Variants in NKAIN3 observed in about 807,000 individuals in gnomAD.
The protein encoded by NKAIN3 is sodium/potassium-transporting ATPase subunit beta-1-interacting protein 3.
In NKAIN3, 25 loss-of-function variants were observed where a neutral mutation model predicts 30.2. The ratio of observed to expected loss-of-function variants is 0.83; its 90% CI spans 0.60 to 1.16. The LOEUF (loss-of-function observed/expected upper bound fraction) is 1.16, where lower values mean the gene tolerates loss of function less well. Ranked by LOEUF, NKAIN3 falls within the 50% of genes most tolerant of loss-of-function variation. The pLI is 0.00. For missense variants in NKAIN3, 225 were observed against 254.1 expected (o/e 0.89, Z 0.78); for synonymous variants, 91 against 89.6 (o/e 1.02, Z -0.09).
chr8:62,481,168 C>T (rs1806706739), intron 1 of NKAIN3, among the ~76,000 whole-genome samples: 1 of 152,192 alleles, frequency 6.6e-6, no homozygotes, highest in Non-Finnish European at 1.5e-5. Context: ...TTAATTTCCT[C>T]TAACCTGGAG....
chr8:62,535,545 C>T (rs1808632030), intron 1 of NKAIN3, among the ~76,000 whole-genome samples: 1 of 152,162 alleles, frequency 6.6e-6, no homozygotes, highest in South Asian at 2.1e-4. Context: ...TTTCTTTAGG[C>T]TCATCAATTT....
At chr8:62,593,078 C>T (rs1810708331) in intron 3 of NKAIN3, among the ~76,000 whole-genome samples, 1 of 151,808 alleles carries the variant, frequency 6.6e-6, no homozygotes, top group African/African-American at 2.4e-5. Flanking sequence ...ATTTGAACAA[C>T]ACAAAGTCAA....
rs891374154 is a variant in NKAIN3 at position 62,405,580 on chromosome 8, C to A, written c.54+156453C>A. Among the ~76,000 whole-genome samples the A allele has an allele frequency of 3.3e-5, 5 of 152,208 alleles. No homozygotes were observed. The South Asian group carries it at 6.2e-4, about 19-fold the overall frequency. The stretch of plus-strand genomic sequence containing the variant: ...AATTCAGAGTCCCATAATCACTGCT[C>A]TCTCCGTGCCCTAAGCACATAGATT... On this transcript the variant is annotated intron_variant, in intron 1 of 6. Coordinates refer to ENST00000623646, the MANE Select transcript of NKAIN3 (RefSeq NM_001304533.3).
chr8:62,801,854 G>T (rs1365820797), intron 4 of NKAIN3, among the ~76,000 whole-genome samples: 2 of 152,290 alleles, frequency 1.3e-5, no homozygotes, highest in Admixed American at 6.5e-5. Context: ...CAAAGGCAAA[G>T]AAGTTAAAAA....
intron 3 of NKAIN3, among the ~76,000 whole-genome samples, chr8:62,639,883 A>G (rs1239853361): frequency 6.6e-6 from 1 of 152,080 alleles, no homozygotes; most frequent in Non-Finnish European, 1.5e-5. Context: ...GACACTGAGG[A>G]GAGAAATATA....
downstream of NKAIN3, among the ~76,000 whole-genome samples, chr8:62,989,645 C>T (rs1251563602): frequency 6.6e-6 from 1 of 152,132 alleles, no homozygotes; most frequent in Non-Finnish European, 1.5e-5. Context: ...TTGCGATGAG[C>T]TGAGATCATG....
intron 1 of NKAIN3, among the ~76,000 whole-genome samples, chr8:62,279,247 C>T (rs758069971): frequency 3.9e-5 from 6 of 151,964 alleles, no homozygotes; most frequent in East Asian, 1.9e-4. Context: ...AATTTGTTTG[C>T]GTTCTTTGTA....
chr8:62,483,379 C>G (rs190373608), intron 1 of NKAIN3: 27 of 211,848 alleles, frequency 1.3e-4, no homozygotes, highest in Middle Eastern at 2.5e-3. Context: ...GTCCACAGGT[C>G]GCTTTCCCCA....
At chr8:62,298,795 C>T (rs1671975782) in intron 1 of NKAIN3, among the ~76,000 whole-genome samples, 1 of 150,394 alleles carries the variant, frequency 6.6e-6, no homozygotes, top group African/African-American at 2.5e-5. Context: ...CAGTAGCTAG[C>T]TATTAACATA....
intron 4 of NKAIN3, among the ~76,000 whole-genome samples, chr8:62,842,396 A>G (rs1245237936): frequency 1.3e-5 from 2 of 152,150 alleles, no homozygotes; most frequent in Admixed American, 1.3e-4. Context: ...TCCCATCTCT[A>G]TGGACTGAAA....
intron 1 of NKAIN3, among the ~76,000 whole-genome samples, chr8:62,279,707 A>G (rs1813103514): frequency 1.3e-5 from 2 of 151,904 alleles, no homozygotes; most frequent in South Asian, 2.1e-4. Flanking sequence ...TATTTCTGAG[A>G]GCTCTGTTCT....
At chr8:62,456,484 A>T (rs1455805088) in intron 1 of NKAIN3, among the ~76,000 whole-genome samples, 1 of 151,464 alleles carries the variant, frequency 6.6e-6, no homozygotes, top group Admixed American at 6.6e-5. Flanking sequence ...GCGCCACTGC[A>T]CTCCAGCTTG....
rs1563551311 is a variant in NKAIN3 at position 62,763,259 on chromosome 8, A to AAAAAC, written c.471+16132_471+16133insAACAA. Among the ~76,000 whole-genome samples, 19 of 140,460 alleles carry AAAAAC rather than the reference A, an allele frequency of 1.4e-4. 2 individuals carry two copies. The highest frequency in any genetic ancestry group is 5.3e-4 in the African/African-American group (19 of 36,182). 92.1% of individuals were successfully genotyped at this position (140,460 alleles called of 152,430 possible). A position where few individuals can be genotyped will look rare whatever the true frequency, so the allele number is the denominator to read the frequency against. ...AAAAAAAAAAAAAAAAAAAAAAAAA[A>AAAAAC]AACTTATATAGTCAGCCTAAAAAGA... On this transcript the variant is annotated intron_variant, in intron 4 of 6. Transcript: ENST00000623646.
At chr8:62,418,811 A>G (rs897473753) in intron 1 of NKAIN3, among the ~76,000 whole-genome samples, 18 of 152,188 alleles carry the variant, frequency 1.2e-4, no homozygotes, top group Non-Finnish European at 2.2e-4. Flanking sequence ...TATGGTAATC[A>G]TGGAGGTTAG....
chr8:62,972,181 C>T lies in NKAIN3; in HGVS notation c.*6774C>T, dbSNP rs1033530009. ...ATCAGTGCTTGGGAAGTCAGGAGTA[C>T]GAGAGATAAATAAGAAGTATATGAT... On this transcript the variant is annotated 3_prime_UTR_variant, in exon 7 of 7. Coordinates refer to ENST00000623646, the MANE Select transcript of NKAIN3 (RefSeq NM_001304533.3). 1.3e-5 allele frequency among the ~76,000 whole-genome samples: 2 copies of T among 152,062 alleles called. No homozygotes were observed. Among genetic ancestry groups the T allele is most frequent in the South Asian group, 2.1e-4 (1 of 4,826 alleles).
chr8:62,874,126 C>T (rs1820725636), intron 4 of NKAIN3, among the ~76,000 whole-genome samples: 1 of 151,810 alleles, frequency 6.6e-6, no homozygotes, highest in Non-Finnish European at 1.5e-5. Flanking sequence ...ATCAAATAGA[C>T]ACAATAAAAA....
chr8:62,953,971 C>A lies in NKAIN3; in HGVS notation c.602C>A (p.Pro201Gln). Residue 201 changes from proline (P) to glutamine (Q), a missense_variant and splice_region_variant, in exon 6 of 7, where the codon CCA becomes CAA. Physicochemically the swap from Pro to Gln is moderately conservative, Grantham distance 76. Coordinates refer to ENST00000623646, the MANE Select transcript of NKAIN3 (RefSeq NM_001304533.3). ...CATGTTGAGTTAAAGCCTGTTAAAC[C>A]AGTAAGTAAAGGTGTGATGATATGG... ...QDHVELKPVK[P>Q]VEISNDIEPE... is the part of the protein sequence containing the mutation. 1.0e-6 allele frequency: 1 copy of A among 965,434 alleles called. No individual in the cohort carries two copies. The highest frequency in any genetic ancestry group is 1.2e-6 in the Non-Finnish European group (1 of 811,304). The allele number at this position is 965,434 out of a possible 1,614,324, so 59.8% of individuals were successfully genotyped here.
intron 4 of NKAIN3, among the ~76,000 whole-genome samples, chr8:62,888,181 C>T (rs1256287185): frequency 6.6e-6 from 1 of 152,142 alleles, no homozygotes; most frequent in Non-Finnish European, 1.5e-5. Context: ...TTCTCTTTCC[C>T]CAGGTCATTA....
chr8:62,249,620 G>A (rs1812025146), intron 1 of NKAIN3, among the ~76,000 whole-genome samples: 1 of 152,220 alleles, frequency 6.6e-6, no homozygotes, highest in Non-Finnish European at 1.5e-5. Context: ...GAGTGAGGTG[G>A]TTCTAACCTT....
Sources: allele counts gnomAD v4.1 joint callset (sites outside exome capture counted in the v4.1 genomes callset), GRCh38; gene constraint gnomAD v4.1.1; transcripts MANE v1.5; gene names NCBI Gene and HGNC (gene_info 2026-07-23, HGNC 2026-07-21).